Variants in CDK14 observed in about 807,000 individuals in gnomAD.
The protein encoded by CDK14 is cyclin-dependent kinase 14.
In CDK14, 34 loss-of-function variants were observed where a neutral mutation model predicts 60.7. The observed-to-expected ratio is 0.56, with a 90% CI of 0.43 to 0.75. The LOEUF (loss-of-function observed/expected upper bound fraction) is 0.75, where lower values mean the gene tolerates loss of function less well. CDK14 is among the 30% of genes least tolerant of loss of function. CDK14 has a pLI of 0.00. For synonymous variants in CDK14, 197 were observed against 203.7 expected (o/e 0.97, Z 0.28); for missense variants, 482 against 564.1 (o/e 0.85, Z 1.47).
chr7:90,794,260 C>G (rs541306418), intron 5 of CDK14, among the ~76,000 whole-genome samples: 8 of 151,948 alleles, frequency 5.3e-5, no homozygotes, highest in African/African-American at 1.9e-4. Flanking sequence ...AGGACCGGGG[C>G]GAAATTAAAA....
At chr7:90,672,147 T>C (rs1030933176) in intron 2 of CDK14, among the ~76,000 whole-genome samples, 2 of 152,230 alleles carry the variant, frequency 1.3e-5, no homozygotes, top group African/African-American at 4.8e-5. Flanking sequence ...TGTATTCTTT[T>C]TCTTGGGTAA....
chr7:90,641,348 A>T (rs1353248995), intron 2 of CDK14, among the ~76,000 whole-genome samples: 1 of 152,196 alleles, frequency 6.6e-6, no homozygotes, highest in African/African-American at 2.4e-5. Context: ...AGCATTGTTC[A>T]TAATAGCCAA....
chr7:91,010,617 A>G (rs1796123496), intron 10 of CDK14, among the ~76,000 whole-genome samples: 1 of 152,000 alleles, frequency 6.6e-6, no homozygotes, highest in South Asian at 2.1e-4. Flanking sequence ...TGTTAAAATC[A>G]ACTTATTCTA....
intron 8 of CDK14, among the ~76,000 whole-genome samples, chr7:90,941,282 A>G (rs1172139549): frequency 6.6e-6 from 1 of 152,208 alleles, no homozygotes; most frequent in East Asian, 1.9e-4. Flanking sequence ...GCATTCTATC[A>G]CATGGACCTC....
intron 2 of CDK14, among the ~76,000 whole-genome samples, chr7:90,634,910 T>G (rs918501222): frequency 1.3e-5 from 2 of 152,210 alleles, no homozygotes; most frequent in Non-Finnish European, 2.9e-5. Flanking sequence ...TTCATGTGTC[T>G]TTTGGCTGCA....
intron 2 of CDK14, chr7:90,632,359 G>C: frequency 3.2e-6 from 1 of 312,532 alleles, no homozygotes; most frequent in South Asian, 3.2e-5. Context: ...TGCCTGTTCA[G>C]TGCTGTGGGT....
At chr7:90,763,739 A>G (rs771776947) in intron 4 of CDK14, among the ~76,000 whole-genome samples, 1 of 152,090 alleles carries the variant, frequency 6.6e-6, no homozygotes. Flanking sequence ...GGGTGCAGCA[A>G]ACCAACACAG....
In CDK14 at chr7:90,633,781, C is replaced by A. The variant is rs1184619676; in HGVS notation, c.123+29532C>A. ...TTTCTATGATGGGTATATTGTAAAT[C>A]ATGCATTTGTATTAATGGTATTTCT... On this transcript the variant is annotated intron_variant, in intron 2 of 14. Coordinates refer to ENST00000380050, the MANE Select transcript of CDK14 (RefSeq NM_001287135.2). 2.0e-5 allele frequency among the ~76,000 whole-genome samples: 3 copies of A among 151,536 alleles called. No homozygotes were observed. The East Asian group carries it at 5.8e-4, about 29-fold the overall frequency.
chr7:90,962,126 A>G (rs1794619505), intron 9 of CDK14, among the ~76,000 whole-genome samples: 1 of 152,192 alleles, frequency 6.6e-6, no homozygotes, highest in African/African-American at 2.4e-5. Context: ...TAGAGTGGCT[A>G]CTAAAGTGCC....
chr7:90,687,705 C>T (rs1367242229), intron 2 of CDK14, among the ~76,000 whole-genome samples: 1 of 151,864 alleles, frequency 6.6e-6, no homozygotes, highest in African/African-American at 2.4e-5. Context: ...TCCTTCTCAC[C>T]CCCCAAGAAG....
At chr7:90,942,803 G>T (rs1793974261) in intron 8 of CDK14, among the ~76,000 whole-genome samples, 1 of 152,132 alleles carries the variant, frequency 6.6e-6, no homozygotes, top group African/African-American at 2.4e-5. Flanking sequence ...TTCACTGCTT[G>T]CCCCAGAACA....
rs192928510 is a variant in CDK14, at chr7:90,679,806, C to T, written c.124-46761C>T. On this transcript the variant is annotated intron_variant, in intron 2 of 14. Transcript: ENST00000380050. Reference sequence around the variant, plus strand: ...TGATTTCTTGTATAAGTCATTGAATCTGTCATTTTTAAGAATGAATTTTTA... The same window carrying T: ...TGATTTCTTGTATAAGTCATTGAATTTGTCATTTTTAAGAATGAATTTTTA... Among the ~76,000 whole-genome samples the T allele has an allele frequency of 2.2e-3, 336 of 152,264 alleles. 1 individual carries two copies. The highest frequency in any genetic ancestry group is 7.8e-3 in the African/African-American group (323 of 41,550).
rs766221940 is a variant in CDK14 at position 91,124,400 on chromosome 7, A to T, written c.*28+6192A>T. Among the ~76,000 whole-genome samples the T allele has an allele frequency of 3.1e-4, 47 of 152,320 alleles. 2 individuals are homozygous for T. In the Middle Eastern group the frequency reaches 0.014, roughly 44 times the overall value. ...TTTCACTAAACCATGTATGTTACTCAAATGAAGCTCCATTATCTTTAAATA... is the reference window on the plus strand; with the variant it reads ...TTTCACTAAACCATGTATGTTACTCTAATGAAGCTCCATTATCTTTAAATA... On this transcript the variant is annotated intron_variant, in intron 14 of 14. Transcript: ENST00000380050.
intron 2 of CDK14, among the ~76,000 whole-genome samples, chr7:90,691,444 G>T (rs951010363): frequency 2.0e-5 from 3 of 152,146 alleles, no homozygotes; most frequent in Non-Finnish European, 4.4e-5. Flanking sequence ...CTGCACAGGA[G>T]AATGGTGTTT....
chr7:91,026,649 C>G lies in CDK14; in HGVS notation c.1042-19248C>G, dbSNP rs926903273. On this transcript the variant is annotated intron_variant, in intron 10 of 14. Transcript: ENST00000380050. ...TAGAGTCCAGAGACCATCGTCTCTCCCCTCCCTCACCAGTCACCATTAGCT... is the reference window on the plus strand; with the variant it reads ...TAGAGTCCAGAGACCATCGTCTCTCGCCTCCCTCACCAGTCACCATTAGCT... Among the ~76,000 whole-genome samples, 3 of 152,138 alleles carry G rather than the reference C, an allele frequency of 2.0e-5. No homozygotes were observed. The South Asian group carries it at 6.2e-4, about 32-fold the overall frequency.
chr7:90,840,083 A>G (rs1375739858), intron 5 of CDK14, among the ~76,000 whole-genome samples: 2 of 152,158 alleles, frequency 1.3e-5, no homozygotes, highest in Admixed American at 6.5e-5. Flanking sequence ...GGCTACATCT[A>G]TTTTCCTTCT....
intron 4 of CDK14, among the ~76,000 whole-genome samples, chr7:90,752,916 A>G (rs1170917326): frequency 1.3e-5 from 2 of 152,162 alleles, no homozygotes; most frequent in African/African-American, 4.8e-5. Flanking sequence ...AATTTCTGGA[A>G]CACATAACCT....
intron 6 of CDK14, among the ~76,000 whole-genome samples, chr7:90,883,031 A>T (rs186467349): frequency 3.3e-5 from 5 of 152,228 alleles, no homozygotes; most frequent in Non-Finnish European, 7.4e-5. Flanking sequence ...CAATTAAAAG[A>T]GCTAGAGAGG....
At chr7:90,645,422 T>C (rs1380745367) in intron 2 of CDK14, among the ~76,000 whole-genome samples, 3 of 152,150 alleles carry the variant, frequency 2.0e-5, no homozygotes, top group Non-Finnish European at 2.9e-5. Flanking sequence ...TTATCCTTTT[T>C]TTTCCCCCGT....
Sources: gnomAD v4.1 joint callset for allele counts (sites outside exome capture counted in the v4.1 genomes callset) on GRCh38, gnomAD v4.1.1 for gene constraint, MANE v1.5 for transcripts, NCBI Gene and HGNC (gene_info 2026-07-23, HGNC 2026-07-21) for gene names.